The following FOXK2 variants were observed in gnomAD, a reference collection of about 807,000 sequenced individuals.
FOXK2 encodes the protein forkhead box protein K2.
Under a neutral mutation model 53.3 loss-of-function variants are expected in FOXK2, and 24 were observed. The observed-to-expected ratio is 0.45, with a 90% CI of 0.33 to 0.63. FOXK2 has a LOEUF of 0.63. Among genes scored for constraint, FOXK2 ranks in the 30% least tolerant of loss-of-function variants. The pLI, the probability that FOXK2 is intolerant of heterozygous loss-of-function variation, is 0.03. For synonymous variants in FOXK2, 505 were observed against 407.1 expected, an observed-to-expected ratio of 1.24 and a Z score of -2.89; for missense variants, 952 against 910.5, an observed-to-expected ratio of 1.05 and a Z score of -0.59.
chr17:82,537,310 T>A (rs923199), intron 1 of FOXK2, among the ~76,000 whole-genome samples: 7,403 of 152,250 alleles, frequency 0.049, 206 homozygotes, highest in African/African-American at 0.072. Context: ...TGTGAAATAA[T>A]ACTTCTTGTA....
chr17:82,586,188 A>G lies in FOXK2; in HGVS notation c.1564A>G (p.Arg522Gly). 1 of 1,591,100 alleles carries G rather than the reference A, an allele frequency of 6.3e-7. No homozygotes were observed. Among genetic ancestry groups the G allele is most frequent in the Non-Finnish European group, 8.5e-7 (1 of 1,171,224 alleles). The change falls in exon 7 of 9, where the codon AGG (arginine) becomes GGG (glycine). Residue 522 changes from arginine (R) to glycine (G), a missense_variant. By Grantham distance (125) the Arg-to-Gly change is moderately radical. Coordinates refer to ENST00000335255, the MANE Select transcript of FOXK2 (RefSeq NM_004514.4). ...AGAGGCCCAGGAGAATGGAGACCAC[A>G]GGGAAGTCAAAGGTAGGCGGAGGGG... ...KAEAQENGDHREVKVKVEPIP... is the reference protein window; with the variant it reads ...KAEAQENGDHGEVKVKVEPIP...
At chr17:82,590,601 T>A (rs2045243456) in intron 8 of FOXK2, among the ~76,000 whole-genome samples, 1 of 152,162 alleles carries the variant, frequency 6.6e-6, no homozygotes, top group South Asian at 2.1e-4. Context: ...TCAGGCCTTT[T>A]CAGACATGTA....
chr17:82,592,080 T>C (rs915699907), intron 8 of FOXK2, among the ~76,000 whole-genome samples: 3 of 152,210 alleles, frequency 2.0e-5, no homozygotes, highest in African/African-American at 7.2e-5. Flanking sequence ...AGTTTTTGTA[T>C]TTTTTGTAGA....
At position 82,520,164 on chromosome 17, in the gene FOXK2, CG is replaced by C; in HGVS notation, c.280del (p.Ala94ProfsTer59). Reference protein sequence around the residue: ...FTPPGGGGHGGAAPELPPAQP... With the variant: ...FTPPGGGGHGXAAPELPPAQP... ...CGCCCCCGGGCGGCGGCGGCCATGG[CG>C]GGGCCGCTCCGGAGCTGCCGCCCGC... On this transcript the variant is annotated frameshift_variant, in exon 1 of 9. Transcript: ENST00000335255. LOFTEE classifies it high-confidence loss of function. The C allele has an allele frequency of 6.7e-7, 1 of 1,500,732 alleles. No homozygotes were observed. The highest frequency in any genetic ancestry group is 1.3e-5 in the South Asian group (1 of 78,554). The allele number at this position is 1,500,732 out of a possible 1,614,324, so 93.0% of individuals were successfully genotyped here. A position where few individuals can be genotyped will look rare whatever the true frequency, so the allele number is the denominator to read the frequency against.
intron 1 of FOXK2, among the ~76,000 whole-genome samples, chr17:82,545,874 G>A (rs1447197231): frequency 1.3e-5 from 2 of 151,632 alleles, no homozygotes; most frequent in African/African-American, 4.8e-5. Flanking sequence ...GAGCCACCGC[G>A]CTTGGCCGAT....
chr17:82,594,602 C>T (rs1356684187), intron 8 of FOXK2, among the ~76,000 whole-genome samples: 4 of 152,298 alleles, frequency 2.6e-5, no homozygotes, highest in South Asian at 4.1e-4. Flanking sequence ...AATGCATCTC[C>T]GCAGTCATCT....
intron 1 of FOXK2, chr17:82,559,500 C>A: frequency 2.2e-6 from 1 of 456,310 alleles, no homozygotes; most frequent in Middle Eastern, 3.3e-4. Context: ...GGTGGGTGGT[C>A]CTGGGAACAC....
rs528533519 is a variant in FOXK2 at position 82,554,855 on chromosome 17, C to T, written c.420-8499C>T. Among the ~76,000 whole-genome samples, 11 of 151,812 alleles carry T rather than the reference C, an allele frequency of 7.2e-5. No homozygotes were observed. The South Asian group carries it at 2.3e-3, about 32-fold the overall frequency. On this transcript the variant is annotated intron_variant, in intron 1 of 8. Coordinates refer to ENST00000335255, the MANE Select transcript of FOXK2 (RefSeq NM_004514.4). The stretch of plus-strand genomic sequence containing the variant: ...CGCCTCCCACGTTCAAGCAATTCTT[C>T]CTGCCTCAGCCTCCCAAGTAGCTGG...
chr17:82,561,230 G>A (rs186731902), intron 1 of FOXK2, among the ~76,000 whole-genome samples: 30 of 152,318 alleles, frequency 2.0e-4, no homozygotes, highest in African/African-American at 7.2e-4. Flanking sequence ...AGTGCTGCCT[G>A]TCACTGCTGA....
chr17:82,566,070 C>T (rs1218259933), intron 2 of FOXK2, among the ~76,000 whole-genome samples: 5 of 136,422 alleles, frequency 3.7e-5, no homozygotes, highest in South Asian at 2.7e-4. Flanking sequence ...GGGCTGGGGG[C>T]GGGGAGGGGG....
At chr17:82,545,514 T>C (rs2044615760) in intron 1 of FOXK2, among the ~76,000 whole-genome samples, 1 of 152,132 alleles carries the variant, frequency 6.6e-6, no homozygotes, top group Admixed American at 6.6e-5. Context: ...TAATTTTATT[T>C]GGGGCTATTA....
At chr17:82,528,154 G>A (rs1196791735) in intron 1 of FOXK2, among the ~76,000 whole-genome samples, 2 of 152,152 alleles carry the variant, frequency 1.3e-5, no homozygotes, top group African/African-American at 2.4e-5. Flanking sequence ...GTAGTCAGGC[G>A]TGGCTCCCCC....
chr17:82,522,703 C>T (rs770742340), intron 1 of FOXK2, among the ~76,000 whole-genome samples: 17 of 152,042 alleles, frequency 1.1e-4, no homozygotes, highest in Non-Finnish European at 1.0e-4. Context: ...ATTCTCCTCA[C>T]CATTCAGCCA....
At chr17:82,593,967 G>C (rs182175935) in intron 8 of FOXK2, 1 of 152,450 alleles carries the variant, frequency 6.6e-6, no homozygotes, top group East Asian at 1.9e-4. Flanking sequence ...GCGAGGCCTC[G>C]GGTCGGGGCC....
At chr17:82,569,869 A>G (rs1414941886) in intron 3 of FOXK2, among the ~76,000 whole-genome samples, 1 of 152,012 alleles carries the variant, frequency 6.6e-6, no homozygotes. Flanking sequence ...GACCCTGTCT[A>G]AAAAGAAAGA....
At position 82,587,205 on chromosome 17, in the gene FOXK2, A is replaced by G. The variant is rs771111874; in HGVS notation, c.1719A>G (p.Lys573=). 1 of 1,613,070 alleles carries G rather than the reference A, an allele frequency of 6.2e-7. No homozygotes were observed. Among genetic ancestry groups the G allele is most frequent in the Non-Finnish European group, 8.5e-7 (1 of 1,180,014 alleles). Residue 573 remains lysine (K), a synonymous_variant, in exon 8 of 9, where the codon AAA becomes AAG. Transcript: ENST00000335255. ...TAGGTCAACACCAGCTACCAATAAAAACTGTAACACAAAACGGCACTCACG... is the reference window on the plus strand; with the variant it reads ...TAGGTCAACACCAGCTACCAATAAAGACTGTAACACAAAACGGCACTCACG... ...APLGQHQLPI[K]TVTQNGTHVA...
chr17:82,527,502 G>T (rs1395335404), intron 1 of FOXK2, among the ~76,000 whole-genome samples: 1 of 152,038 alleles, frequency 6.6e-6, no homozygotes, highest in Admixed American at 6.5e-5. Context: ...GGTGGCGGAT[G>T]CCTGTAATCC....
chr17:82,590,668 T>C (rs2143149909), intron 8 of FOXK2, among the ~76,000 whole-genome samples: 1 of 152,336 alleles, frequency 6.6e-6, no homozygotes, highest in East Asian at 1.9e-4. Flanking sequence ...AAAATGAATA[T>C]TGCAGTAGAG....
chr17:82,533,452 T>A (rs2044491139), intron 1 of FOXK2, among the ~76,000 whole-genome samples: 1 of 151,856 alleles, frequency 6.6e-6, no homozygotes, highest in Non-Finnish European at 1.5e-5. Flanking sequence ...ACCGTGCCAC[T>A]GCACTCCAGC....
Sources: gnomAD v4.1 joint callset for allele counts (sites outside exome capture counted in the v4.1 genomes callset) on GRCh38, gnomAD v4.1.1 for gene constraint, MANE v1.5 for transcripts, NCBI Gene and HGNC (gene_info 2026-07-23, HGNC 2026-07-21) for gene names.